PLCB4: variants seen among roughly 807,000 people sequenced by gnomAD.
PLCB4 encodes phospholipase C beta 4, also known as 1-phosphatidylinositol 4,5-bisphosphate phosphodiesterase beta-4.
PLCB4 carries 77 observed loss-of-function variants against 178.8 expected under a neutral mutation model. That is an observed-to-expected ratio of 0.43 (90% CI 0.36 to 0.52). The LOEUF (loss-of-function observed/expected upper bound fraction) is 0.52. PLCB4 is among the 20% of genes least tolerant of loss of function. The probability of loss-of-function intolerance (pLI) is 0.00; values close to 1 mark genes in which losing one functional copy is unlikely to be tolerated. For missense variants in PLCB4, 1,024 were observed against 1,453.4 expected, an observed-to-expected ratio of 0.70 and a Z score of 4.80; for synonymous variants, 496 against 490.8, an observed-to-expected ratio of 1.01 and a Z score of -0.14.
At chr20:9,273,810 G>A (rs2094428435) in intron 3 of PLCB4, among the ~76,000 whole-genome samples, 2 of 151,842 alleles carry the variant, frequency 1.3e-5, no homozygotes, top group Admixed American at 6.6e-5. Context: ...TTTATCTTGT[G>A]TATTGTTGTG....
intron 3 of PLCB4, among the ~76,000 whole-genome samples, chr20:9,268,588 C>G (rs1433995755): frequency 6.6e-6 from 1 of 152,048 alleles, no homozygotes; most frequent in African/African-American, 2.4e-5. Flanking sequence ...ACCTCGGGAA[C>G]TAACAGCAGG....
At chr20:9,335,259 GT>G (rs1475054159) in intron 4 of PLCB4, among the ~76,000 whole-genome samples, 1 of 152,072 alleles carries the variant, frequency 6.6e-6, no homozygotes, top group Non-Finnish European at 1.5e-5. Flanking sequence ...GGCCTTTTGG[GT>G]AATAGCTAAT....
chr20:9,214,301 G>A (rs1051568131), intron 2 of PLCB4, among the ~76,000 whole-genome samples: 11 of 152,052 alleles, frequency 7.2e-5, no homozygotes, highest in Admixed American at 4.6e-4. Flanking sequence ...TGTCCATGTT[G>A]TGAGGTAGGA....
intron 9 of PLCB4, 113 bp from the exon 10 acceptor site, chr20:9,371,101 C>A: frequency 1.4e-6 from 1 of 722,436 alleles, no homozygotes; most frequent in South Asian, 1.6e-5. Context: ...TAATTTTATT[C>A]TCCTCTTCCT....
chr20:9,412,872 C>A lies in PLCB4; in HGVS notation c.2051+1784C>A, dbSNP rs572421344. On this transcript the variant is annotated intron_variant, in intron 25 of 39. Transcript: ENST00000378473. ...AGCCCTTATACCTATCACCATGGCT[C>A]CCTACCCCTTTGAATAAAGTCCACT... 6.3e-4 allele frequency among the ~76,000 whole-genome samples: 96 copies of A among 152,344 alleles called. 1 individual carries two copies. The South Asian group carries it at 8.5e-3, about 13-fold the overall frequency.
chr20:9,439,236 G>C (rs1177833550), intron 30 of PLCB4, among the ~76,000 whole-genome samples: 1 of 152,218 alleles, frequency 6.6e-6, no homozygotes, highest in African/African-American at 2.4e-5. Context: ...TCAGCTGATA[G>C]GTTGACTGGA....
chr20:9,154,776 C>T (rs2092752890), intron 2 of PLCB4, among the ~76,000 whole-genome samples: 1 of 149,922 alleles, frequency 6.7e-6, no homozygotes, highest in South Asian at 2.2e-4. Context: ...CTTTCCCTCC[C>T]TCCTTTCCTT....
intron 2 of PLCB4, among the ~76,000 whole-genome samples, chr20:9,180,562 T>C (rs2093229327): frequency 6.6e-6 from 1 of 152,182 alleles, no homozygotes; most frequent in Non-Finnish European, 1.5e-5. Context: ...CCTCAATTCC[T>C]TTCTGCACAG....
chr20:9,404,536 C>A lies in PLCB4; in HGVS notation c.1612-777C>A, dbSNP rs1393394828. 2.7e-5 allele frequency among the ~76,000 whole-genome samples: 4 copies of A among 145,762 alleles called. No individual in the cohort carries two copies. In the East Asian group the frequency reaches 8.1e-4, roughly 30 times the overall value. On this transcript the variant is annotated intron_variant, in intron 20 of 39. Coordinates refer to ENST00000378473, the MANE Select transcript of PLCB4 (RefSeq NM_001377142.1). ...AGGAGAACTGCTTGAACCCAAAAGG[C>A]GGAGGTTGCAGTGAGCCAAGATTGT...
At chr20:9,101,177 C>T (rs936852170) in intron 2 of PLCB4, among the ~76,000 whole-genome samples, 68 of 152,224 alleles carry the variant, frequency 4.5e-4, no homozygotes, top group Admixed American at 4.1e-3. Context: ...GGTGGAACAG[C>T]CTCCATTTGT....
chr20:9,203,179 A>G (rs1353051736), intron 2 of PLCB4, among the ~76,000 whole-genome samples: 2 of 151,328 alleles, frequency 1.3e-5, no homozygotes, highest in Non-Finnish European at 2.9e-5. Flanking sequence ...TTCTGTTCTC[A>G]CTTACTGGCT....
intron 3 of PLCB4, among the ~76,000 whole-genome samples, chr20:9,231,952 G>C (rs1248634777): frequency 6.6e-6 from 1 of 152,134 alleles, no homozygotes; most frequent in African/African-American, 2.4e-5. Context: ...GCATGCCATG[G>C]AGTACTGCTT....
intron 18 of PLCB4, among the ~76,000 whole-genome samples, chr20:9,394,858 A>G (rs1416115696): frequency 6.6e-6 from 1 of 152,106 alleles, no homozygotes; most frequent in Non-Finnish European, 1.5e-5. Context: ...AATATCCTTA[A>G]TGCTGGCTGT....
chr20:9,357,900 G>A (rs2034982223), intron 7 of PLCB4, among the ~76,000 whole-genome samples: 1 of 152,210 alleles, frequency 6.6e-6, no homozygotes, highest in South Asian at 2.1e-4. Context: ...AGAACTCCAA[G>A]TTGAGGGGGG....
intron 3 of PLCB4, among the ~76,000 whole-genome samples, chr20:9,302,177 T>C (rs988004586): frequency 3.9e-5 from 6 of 152,064 alleles, no homozygotes; most frequent in Admixed American, 2.0e-4. Context: ...AGCCTTTTTT[T>C]TTTTCAAGCC....
At chr20:9,169,151 C>T (rs1422491141) in intron 2 of PLCB4, among the ~76,000 whole-genome samples, 1 of 152,156 alleles carries the variant, frequency 6.6e-6, no homozygotes, top group Non-Finnish European at 1.5e-5. Flanking sequence ...CACTTTAGCT[C>T]CCTGTGAATT....
chr20:9,288,939 A>G (rs187171337), intron 3 of PLCB4, among the ~76,000 whole-genome samples: 150 of 152,222 alleles, frequency 9.9e-4, no homozygotes, highest in Middle Eastern at 6.8e-3. Context: ...AAAATTGGCC[A>G]TGGGAAGGTA....
chr20:9,112,298 C>G (rs2091608924), intron 2 of PLCB4, among the ~76,000 whole-genome samples: 1 of 151,042 alleles, frequency 6.6e-6, no homozygotes, highest in South Asian at 2.1e-4. Flanking sequence ...CTCTGTTGCC[C>G]AGGCCGCAGT....
intron 2 of PLCB4, among the ~76,000 whole-genome samples, chr20:9,108,128 T>A (rs1294378340): frequency 1.3e-5 from 2 of 152,126 alleles, no homozygotes; most frequent in Non-Finnish European, 2.9e-5. Context: ...TTTGGATATG[T>A]AAAATCATGA....
Sources: gnomAD v4.1 joint callset for allele counts (sites outside exome capture counted in the v4.1 genomes callset) on GRCh38, gnomAD v4.1.1 for gene constraint, MANE v1.5 for transcripts, NCBI Gene and HGNC (gene_info 2026-07-23, HGNC 2026-07-21) for gene names.